Variants in SPATA9 observed in about 807,000 individuals in gnomAD.
SPATA9 encodes spermatogenesis associated 9.
A neutral mutation model predicts 25.5 loss-of-function variants in SPATA9; 27 were observed. The observed-to-expected ratio is 1.06, with a 90% CI of 0.78 to 1.46. The LOEUF (loss-of-function observed/expected upper bound fraction) is 1.46, where lower values mean the gene tolerates loss of function less well. Ranked by LOEUF, SPATA9 falls within the 40% of genes most tolerant of loss-of-function variation. SPATA9 has a pLI of 0.00. For missense variants in SPATA9, 282 were observed against 297.5 expected, an observed-to-expected ratio of 0.95 and a Z score of 0.38; for synonymous variants, 102 against 105.7, an observed-to-expected ratio of 0.97 and a Z score of 0.21.
At position 95,658,408 on chromosome 5, in the gene SPATA9, A is replaced by G; in HGVS notation, c.*215T>C. ...CAGAGGATGGATTTTCTTGTTCATT[A>G]AAAGTATGTAGTCAGTACATATATT... is the stretch of plus-strand genomic sequence containing the variant. On this transcript the variant is annotated 3_prime_UTR_variant, in exon 5 of 5. Transcript: ENST00000274432. 1 of 409,878 alleles carries G rather than the reference A, an allele frequency of 2.4e-6. No individual in the cohort carries two copies. Among genetic ancestry groups the G allele is most frequent in the Non-Finnish European group, 4.0e-6 (1 of 251,426 alleles). The allele number at this position is 409,878 out of a possible 1,614,324, so 25.4% of individuals were successfully genotyped here. A position where few individuals can be genotyped will look rare whatever the true frequency, so the allele number is the denominator to read the frequency against.
At chr5:95,687,049 T>C (rs1057064231), upstream of SPATA9, among the ~76,000 whole-genome samples, 3 of 152,162 alleles carry the variant, frequency 2.0e-5, no homozygotes, top group Admixed American at 6.5e-5. Context: ...TGGTACCTAT[T>C]GTGTCCAGAA....
At chr5:95,658,250 A>G, downstream of SPATA9, 1 of 157,942 alleles carries the variant, frequency 6.3e-6, no homozygotes, top group Non-Finnish European at 1.4e-5. Context: ...TTTTATTTTG[A>G]TATGCACCAT....
At chr5:95,702,309 T>C (rs1325129463), upstream of SPATA9, among the ~76,000 whole-genome samples, 1 of 152,148 alleles carries the variant, frequency 6.6e-6, no homozygotes, top group East Asian at 1.9e-4. Flanking sequence ...TAGTTTGTCC[T>C]CATATTTAAA....
At chr5:95,691,215 C>CAAAA (rs35098619) in intron 1 of SPATA9, among the ~76,000 whole-genome samples, 2 of 139,136 alleles carry the variant, frequency 1.4e-5, no homozygotes, top group African/African-American at 2.7e-5. Flanking sequence ...GACTCCGTCT[C>CAAAA]AAAAAAAAAA....
intron 3 of SPATA9, 94 bp downstream of exon 3, chr5:95,675,318 G>A: frequency 1.0e-6 from 1 of 1,002,194 alleles, no homozygotes; most frequent in Middle Eastern, 2.2e-4. Flanking sequence ...GTTTTACACT[G>A]GACAATCAAG....
the SPATA9 span, among the ~76,000 whole-genome samples, chr5:95,712,080 A>G: frequency 6.6e-6 from 1 of 152,242 alleles, no homozygotes; most frequent in Non-Finnish European, 1.5e-5. Context: ...CCGGGACTCC[A>G]TAAATGACTA....
the SPATA9 span, among the ~76,000 whole-genome samples, chr5:95,709,875 A>C: frequency 6.6e-6 from 1 of 152,048 alleles, no homozygotes; most frequent in Non-Finnish European, 1.5e-5. Flanking sequence ...TGCACTGGAG[A>C]GCTGCTTGAT....
At chr5:95,725,149 C>A in the SPATA9 span, among the ~76,000 whole-genome samples, 1 of 152,142 alleles carries the variant, frequency 6.6e-6, no homozygotes, top group Admixed American at 6.5e-5. Context: ...GAATAGCCCA[C>A]GAGTGTATCT....
At chr5:95,730,923 AG>A in the SPATA9 span, 825 of 458,732 alleles carry the variant, frequency 1.8e-3, 7 homozygotes, top group African/African-American at 0.014. Flanking sequence ...CAAGGCCAAG[AG>A]GGGGGGAAAT....
chr5:95,682,326 C>T (rs538009965), intron 2 of SPATA9, among the ~76,000 whole-genome samples: 2 of 152,196 alleles, frequency 1.3e-5, no homozygotes, highest in Non-Finnish European at 2.9e-5. Context: ...CTCAATCTAC[C>T]TCACTTCTTG....
chr5:95,703,517 G>A (rs550824802), upstream of SPATA9, among the ~76,000 whole-genome samples: 11 of 152,098 alleles, frequency 7.2e-5, no homozygotes, highest in African/African-American at 2.4e-4. Flanking sequence ...GCCAGTAGTC[G>A]CAGCTACTTG....
intron 2 of SPATA9, among the ~76,000 whole-genome samples, chr5:95,680,506 C>T (rs1753350353): frequency 1.3e-5 from 2 of 152,164 alleles, no homozygotes; most frequent in Non-Finnish European, 2.9e-5. Context: ...ACTTCAATGG[C>T]TTTCATAGAA....
the SPATA9 span, among the ~76,000 whole-genome samples, chr5:95,715,657 A>G: frequency 1.3e-5 from 2 of 152,188 alleles, no homozygotes; most frequent in African/African-American, 4.8e-5. Context: ...TATAGAAAAA[A>G]TTTTATGATC....
At chr5:95,681,618 T>G (rs569108640) in intron 2 of SPATA9, among the ~76,000 whole-genome samples, 24 of 152,310 alleles carry the variant, frequency 1.6e-4, no homozygotes, top group African/African-American at 5.8e-4. Flanking sequence ...TTTATCTCTG[T>G]ATTTCCTCTC....
intron 3 of SPATA9, chr5:95,670,767 G>T: frequency 1.2e-6 from 1 of 818,266 alleles, no homozygotes; most frequent in Non-Finnish European, 1.5e-6. Flanking sequence ...TGGTACCATG[G>T]ATGCACTCCA....
chr5:95,688,518 C>A (rs1278200254), intron 1 of SPATA9, among the ~76,000 whole-genome samples: 2 of 152,118 alleles, frequency 1.3e-5, no homozygotes, highest in African/African-American at 4.8e-5. Context: ...TCCTAATATG[C>A]TTGGATTACA....
intron 1 of SPATA9, among the ~76,000 whole-genome samples, chr5:95,697,385 G>A (rs1754049530): frequency 6.6e-6 from 1 of 152,134 alleles, no homozygotes; most frequent in African/African-American, 2.4e-5. Flanking sequence ...CTCTCTCAGG[G>A]CCACCTCACA....
chr5:95,689,323 A>G (rs1753826616), intron 1 of SPATA9, among the ~76,000 whole-genome samples: 1 of 152,240 alleles, frequency 6.6e-6, no homozygotes, highest in East Asian at 1.9e-4. Flanking sequence ...ATAAATGTGT[A>G]GCAGGTTTAT....
the SPATA9 span, among the ~76,000 whole-genome samples, chr5:95,722,692 G>C: frequency 6.6e-6 from 1 of 152,172 alleles, no homozygotes; most frequent in Non-Finnish European, 1.5e-5. Flanking sequence ...GTTTCACCTT[G>C]TTGGCCAGGC....
Sources: gnomAD v4.1 joint callset for allele counts (sites outside exome capture counted in the v4.1 genomes callset) on GRCh38, gnomAD v4.1.1 for gene constraint, MANE v1.5 for transcripts, NCBI Gene and HGNC (gene_info 2026-07-23, HGNC 2026-07-21) for gene names.